Variants in EPHA6 observed in about 807,000 individuals in gnomAD.
EPHA6 encodes the protein ephrin type-A receptor 6.
In EPHA6, 50 loss-of-function variants were observed where a neutral mutation model predicts 112.0. That is an observed-to-expected ratio of 0.45 (90% confidence interval 0.36 to 0.56). EPHA6 has a LOEUF of 0.56. Ranked by LOEUF, EPHA6 falls within the 20% of genes least tolerant of loss-of-function variation. The pLI, the probability that EPHA6 is intolerant of heterozygous loss-of-function variation, is 0.00. For missense variants in EPHA6, 1,280 were observed against 1,417.4 expected (o/e 0.90, Z 1.56); for synonymous variants, 529 against 490.7 (o/e 1.08, Z -1.03).
chr3:96,915,441 G>A (rs2039435779), intron 2 of EPHA6, among the ~76,000 whole-genome samples: 1 of 152,104 alleles, frequency 6.6e-6, no homozygotes, highest in Non-Finnish European at 1.5e-5. Context: ...TATTTGGCTT[G>A]AATGGGAGGT....
rs1340197693 is a variant in EPHA6 at position 97,319,667 on chromosome 3, CA to C, written c.1606+75393del. ...CCTGGGCGACAGAGCGAGATTGTCTCAAAAAAAAAAAAACAAAAAACAAAAA... is the reference window on the plus strand; with the variant it reads ...CCTGGGCGACAGAGCGAGATTGTCTCAAAAAAAAAAAACAAAAAACAAAAA... On this transcript the variant is annotated intron_variant, in intron 5 of 17. Coordinates refer to ENST00000389672, the MANE Select transcript of EPHA6 (RefSeq NM_001080448.3). 2.4e-3 allele frequency among the ~76,000 whole-genome samples: 131 copies of C among 54,762 alleles called. 1 individual carries two copies. The highest frequency in any genetic ancestry group is 4.7e-3 in the African/African-American group (77 of 16,230). The allele number at this position is 54,762 out of a possible 152,430, so 35.9% of individuals were successfully genotyped here. A position where few individuals can be genotyped will look rare whatever the true frequency, so the allele number is the denominator to read the frequency against.
rs549122306 is a variant in EPHA6 at position 97,207,166 on chromosome 3, G to T, written c.1115-19098G>T. On this transcript the variant is annotated intron_variant, in intron 3 of 17. Coordinates refer to ENST00000389672, the MANE Select transcript of EPHA6 (RefSeq NM_001080448.3). Reference sequence around the variant, plus strand: ...TTAATTCCAGGTGTCTTTTGCAAGTGCTCTTTCAAAAAAAGCTGTATCAGA... The same window carrying T: ...TTAATTCCAGGTGTCTTTTGCAAGTTCTCTTTCAAAAAAAGCTGTATCAGA... Among the ~76,000 whole-genome samples, 26 of 152,078 alleles carry T rather than the reference G, an allele frequency of 1.7e-4. 1 individual carries two copies. The South Asian group carries it at 4.1e-3, about 24-fold the overall frequency.
At chr3:97,066,008 C>T (rs2046165964) in intron 3 of EPHA6, among the ~76,000 whole-genome samples, 1 of 151,912 alleles carries the variant, frequency 6.6e-6, no homozygotes, top group Non-Finnish European at 1.5e-5. Context: ...ACTAGCACTC[C>T]TTTTAATATT....
intron 6 of EPHA6, chr3:97,447,863 A>G (rs1426994279): frequency 3.7e-5 from 32 of 856,388 alleles, no homozygotes; most frequent in Non-Finnish European, 4.6e-5. Context: ...CTGTGTTTCC[A>G]GTGCTTCTTC....
At chr3:97,329,071 G>T (rs971559512) in intron 5 of EPHA6, among the ~76,000 whole-genome samples, 46 of 152,106 alleles carry the variant, frequency 3.0e-4, no homozygotes, top group African/African-American at 1.1e-3. Flanking sequence ...GCGGTGTTTG[G>T]TTTTTTGTCC....
intron 6 of EPHA6, among the ~76,000 whole-genome samples, chr3:97,446,431 G>C (rs914863831): frequency 6.6e-6 from 1 of 152,140 alleles, no homozygotes; most frequent in Non-Finnish European, 1.5e-5. Flanking sequence ...TTTATTCCCT[G>C]TAACTTTACT....
intron 3 of EPHA6, among the ~76,000 whole-genome samples, chr3:97,049,870 C>A (rs1027649660): frequency 3.9e-5 from 6 of 152,090 alleles, no homozygotes. Context: ...GAGGGATGTA[C>A]CTTCTTGGCT....
At chr3:97,275,777 G>T (rs1176371176) in intron 5 of EPHA6, among the ~76,000 whole-genome samples, 1 of 150,648 alleles carries the variant, frequency 6.6e-6, no homozygotes, top group Non-Finnish European at 1.5e-5. Context: ...GGTAAGGGGT[G>T]CATGATCGGT....
At chr3:97,205,098 C>T (rs2077682141) in intron 3 of EPHA6, among the ~76,000 whole-genome samples, 1 of 152,038 alleles carries the variant, frequency 6.6e-6, no homozygotes, top group Non-Finnish European at 1.5e-5. Flanking sequence ...GCACTCATTC[C>T]AATCAGTTGG....
intron 12 of EPHA6, among the ~76,000 whole-genome samples, chr3:97,610,482 G>T (rs2093710450): frequency 6.6e-6 from 1 of 151,584 alleles, no homozygotes; most frequent in Non-Finnish European, 1.5e-5. Context: ...GTTTTCTAAG[G>T]AAAAACTAGA....
intron 11 of EPHA6, among the ~76,000 whole-genome samples, chr3:97,552,786 C>T (rs976009597): frequency 3.9e-5 from 6 of 152,094 alleles, no homozygotes; most frequent in African/African-American, 9.7e-5. Flanking sequence ...TAATAAAATA[C>T]AAATATCTAG....
At chr3:97,164,299 T>C (rs953405346) in intron 3 of EPHA6, among the ~76,000 whole-genome samples, 3 of 152,198 alleles carry the variant, frequency 2.0e-5, no homozygotes, top group Non-Finnish European at 4.4e-5. Flanking sequence ...TATTAGCATC[T>C]TTAAATCTAA....
chr3:97,031,792 A>G (rs959289641), intron 3 of EPHA6, among the ~76,000 whole-genome samples: 77 of 152,246 alleles, frequency 5.1e-4, no homozygotes, highest in Admixed American at 1.5e-3. Context: ...AAAAGTCAGG[A>G]AACAACAGGT....
chr3:97,147,394 T>G (rs1268373798), intron 3 of EPHA6, among the ~76,000 whole-genome samples: 3 of 152,078 alleles, frequency 2.0e-5, no homozygotes, highest in African/African-American at 7.2e-5. Flanking sequence ...CTTTTTTCCT[T>G]TCTTAACTAT....
intron 5 of EPHA6, among the ~76,000 whole-genome samples, chr3:97,325,908 T>C (rs2082397454): frequency 6.6e-6 from 1 of 152,118 alleles, no homozygotes; most frequent in African/African-American, 2.4e-5. Context: ...TTCTATACTC[T>C]GCTTATTAAA....
chr3:97,052,826 G>C (rs903953333), intron 3 of EPHA6, among the ~76,000 whole-genome samples: 1 of 152,006 alleles, frequency 6.6e-6, no homozygotes, highest in South Asian at 2.1e-4. Flanking sequence ...CTGTGAACAA[G>C]CCTTAAACAT....
At chr3:97,667,261 C>A (rs2030235069) in intron 14 of EPHA6, among the ~76,000 whole-genome samples, 1 of 152,158 alleles carries the variant, frequency 6.6e-6, no homozygotes, top group Non-Finnish European at 1.5e-5. Context: ...AGATATCTCC[C>A]ACTTTCTCTC....
At position 96,943,693 on chromosome 3, in the gene EPHA6, G is replaced by A. The variant is rs1342866793; in HGVS notation, c.451-43637G>A. On this transcript the variant is annotated intron_variant, in intron 2 of 17. Transcript: ENST00000389672. ...GCGTTCTTTCACTTTTATAATGAAA[G>A]CAAAGTTGACTGTTGTATGATAGAG... Among the ~76,000 whole-genome samples the A allele has an allele frequency of 2.6e-5, 4 of 152,260 alleles. No homozygotes were observed. In the East Asian group the frequency reaches 5.8e-4, roughly 22 times the overall value.
intron 3 of EPHA6, among the ~76,000 whole-genome samples, chr3:97,109,556 G>A (rs888769386): frequency 6.6e-6 from 1 of 152,140 alleles, no homozygotes; most frequent in Non-Finnish European, 1.5e-5. Context: ...GGAGTGAAAA[G>A]TGAAGACGCT....
Sources: allele counts gnomAD v4.1 joint callset (sites outside exome capture counted in the v4.1 genomes callset), GRCh38; gene constraint gnomAD v4.1.1; transcripts MANE v1.5; gene names NCBI Gene and HGNC (gene_info 2026-07-23, HGNC 2026-07-21).